SLMAP: variants seen among roughly 807,000 people sequenced by gnomAD.
SLMAP encodes sarcolemma associated protein, also known as sarcolemmal membrane-associated protein.
A neutral mutation model predicts 128.8 loss-of-function variants in SLMAP; 44 were observed. That is an observed-to-expected ratio of 0.34 (90% CI 0.27 to 0.44). SLMAP has a LOEUF of 0.44. SLMAP is among the 20% of genes least tolerant of loss of function. The probability of loss-of-function intolerance (pLI) is 1.00; values close to 1 mark genes in which losing one functional copy is unlikely to be tolerated. For missense variants in SLMAP, 787 were observed against 985.3 expected (o/e 0.80, Z 2.69); for synonymous variants, 327 against 348.8 (o/e 0.94, Z 0.70).
intron 13 of SLMAP, among the ~76,000 whole-genome samples, chr3:57,867,213 C>A (rs1220758219): frequency 6.6e-6 from 1 of 152,076 alleles, no homozygotes; most frequent in Non-Finnish European, 1.5e-5. Flanking sequence ...GTCAATCAGT[C>A]ATCACCCTCT....
chr3:57,911,847 G>C (rs946139499), intron 19 of SLMAP, among the ~76,000 whole-genome samples: 2 of 138,550 alleles, frequency 1.4e-5, no homozygotes, highest in Non-Finnish European at 3.0e-5. Flanking sequence ...ACAGAAAAAC[G>C]AATCAAGGGC....
intron 2 of SLMAP, among the ~76,000 whole-genome samples, chr3:57,814,998 A>C (rs2091645255): frequency 6.6e-6 from 1 of 152,068 alleles, no homozygotes; most frequent in African/African-American, 2.4e-5. Context: ...AAAACCCCCC[A>C]AAATTTGGGA....
At chr3:57,880,423 G>A (rs1475440306) in intron 14 of SLMAP, among the ~76,000 whole-genome samples, 20 of 151,938 alleles carry the variant, frequency 1.3e-4, no homozygotes, top group African/African-American at 4.3e-4. Flanking sequence ...GGCTGGTCTC[G>A]AACTCCTGAC....
intron 2 of SLMAP, among the ~76,000 whole-genome samples, chr3:57,777,311 T>A (rs182616543): frequency 6.6e-6 from 1 of 152,012 alleles, no homozygotes; most frequent in East Asian, 1.9e-4. Context: ...GAAGAAGATA[T>A]AGGATAACAT....
intron 22 of SLMAP, chr3:57,918,341 A>T (rs969872517): frequency 7.2e-5 from 11 of 152,210 alleles, no homozygotes; most frequent in Admixed American, 3.9e-4. Flanking sequence ...ATTTTGTTGC[A>T]TTACTTGTTT....
At chr3:57,841,778 G>A (rs1191713864) in intron 4 of SLMAP, among the ~76,000 whole-genome samples, 1 of 152,096 alleles carries the variant, frequency 6.6e-6, no homozygotes, top group Non-Finnish European at 1.5e-5. Flanking sequence ...ATAAGACCTT[G>A]AGGATACCAA....
intron 2 of SLMAP, among the ~76,000 whole-genome samples, chr3:57,812,293 T>G (rs2091122708): frequency 6.6e-6 from 1 of 152,208 alleles, no homozygotes. Context: ...TGTATGTGGA[T>G]ATCCAGTTTT....
At chr3:57,827,659 A>G (rs2093017576) in intron 2 of SLMAP, among the ~76,000 whole-genome samples, 1 of 152,258 alleles carries the variant, frequency 6.6e-6, no homozygotes, top group Non-Finnish European at 1.5e-5. Context: ...TCAACATCAA[A>G]GTGAATGTCT....
intron 13 of SLMAP, among the ~76,000 whole-genome samples, chr3:57,869,027 TATATATATA>T (rs2095401508): frequency 7.2e-6 from 1 of 139,588 alleles, no homozygotes; most frequent in African/African-American, 2.6e-5. Context: ...ATATGTGTAT[TATATATATA>T]ATATATATTA....
At chr3:57,811,431 T>C (rs1020303584) in intron 2 of SLMAP, among the ~76,000 whole-genome samples, 1 of 152,214 alleles carries the variant, frequency 6.6e-6, no homozygotes, top group Non-Finnish European at 1.5e-5. Flanking sequence ...CCTTCCTTTC[T>C]AAGGCTGAAT....
chr3:57,891,279 T>C (rs1326238136), intron 15 of SLMAP: 1 of 152,198 alleles, frequency 6.6e-6, no homozygotes, highest in African/African-American at 2.4e-5. Context: ...CATTCTAAAT[T>C]AGAAAATATT....
chr3:57,908,876 A>G (rs1170604046), intron 18 of SLMAP, among the ~76,000 whole-genome samples, 200 bp from the exon 19 acceptor site: 1 of 152,234 alleles, frequency 6.6e-6, no homozygotes, highest in Admixed American at 6.5e-5. Flanking sequence ...ACTCAGTTGA[A>G]TAGATTTATT....
chr3:57,814,776 C>A (rs2091607610), intron 2 of SLMAP, among the ~76,000 whole-genome samples: 1 of 151,916 alleles, frequency 6.6e-6, no homozygotes. Context: ...GAGTTTGAGA[C>A]CAACCTGGGC....
At chr3:57,849,384 G>A (rs539340807) in intron 5 of SLMAP, among the ~76,000 whole-genome samples, 151 of 152,114 alleles carry the variant, frequency 9.9e-4, no homozygotes, top group African/African-American at 3.5e-3. Flanking sequence ...CATTGCCTCA[G>A]GCCACTGGAC....
intron 17 of SLMAP, among the ~76,000 whole-genome samples, chr3:57,905,007 GCTGCAGTGAA>G: frequency 6.6e-6 from 1 of 152,246 alleles, no homozygotes; most frequent in Non-Finnish European, 1.5e-5. Context: ...GTCAATTAAG[GCTGCAGTGAA>G]CTGTGATGGC....
At chr3:57,854,913 C>T (rs114535903) in intron 6 of SLMAP, among the ~76,000 whole-genome samples, 2,643 of 152,242 alleles carry the variant, frequency 0.017, 67 homozygotes, top group African/African-American at 0.061. Context: ...ATTGTACTTA[C>T]ATAACCTAGA....
chr3:57,812,383 A>G (rs905872781), intron 2 of SLMAP, among the ~76,000 whole-genome samples: 2 of 152,158 alleles, frequency 1.3e-5, no homozygotes, highest in Non-Finnish European at 2.9e-5. Flanking sequence ...TTGACTGTAT[A>G]TGTGAATGTT....
intron 8 of SLMAP, 52 bp downstream of exon 8, chr3:57,858,211 C>T: frequency 1.0e-6 from 1 of 987,716 alleles, no homozygotes. Context: ...TTTTATGTAA[C>T]ATCATTTCTT....
intron 2 of SLMAP, among the ~76,000 whole-genome samples, chr3:57,767,205 C>T (rs1244807612): frequency 2.6e-5 from 4 of 152,288 alleles, no homozygotes; most frequent in South Asian, 4.1e-4. Context: ...AGGTGTGAGC[C>T]ACTGCACCCG....
Sources: allele counts gnomAD v4.1 joint callset (sites outside exome capture counted in the v4.1 genomes callset), GRCh38; gene constraint gnomAD v4.1.1; transcripts MANE v1.5; gene names NCBI Gene and HGNC (gene_info 2026-07-23, HGNC 2026-07-21).